SH3KBP1: variants seen among roughly 807,000 people sequenced by gnomAD.
The protein encoded by SH3KBP1 is SH3 domain-containing kinase-binding protein 1.
Under a neutral mutation model 50.1 loss-of-function variants are expected in SH3KBP1, and 8 were observed. The observed-to-expected ratio is 0.16, with a 90% CI of 0.09 to 0.29. SH3KBP1 has a LOEUF of 0.29. Among genes scored for constraint, SH3KBP1 ranks in the 10% least tolerant of loss-of-function variants. The pLI, the probability that SH3KBP1 is intolerant of heterozygous loss-of-function variation, is 1.00. For missense variants in SH3KBP1, 377 were observed against 535.2 expected (o/e 0.70, Z 2.92); for synonymous variants, 227 against 218.6 (o/e 1.04, Z -0.34).
intron 6 of SH3KBP1, chrX:19,671,076 G>A (rs1396983341): frequency 1.6e-5 from 15 of 959,806 alleles, no homozygotes; most frequent in Non-Finnish European, 2.0e-5. Flanking sequence ...GGGTGGCTTC[G>A]AGAGAAGTCC....
chrX:19,571,863 T>C (rs780422005), intron 12 of SH3KBP1, among the ~76,000 whole-genome samples: 3 of 108,469 alleles, frequency 2.8e-5, no homozygotes, highest in Non-Finnish European at 3.8e-5. Context: ...GAGGGAAAGA[T>C]GGTTTGAGGT....
At chrX:19,610,736 AAGAGG>A (rs1287580791) in intron 8 of SH3KBP1, among the ~76,000 whole-genome samples, 2 of 111,328 alleles carry the variant, frequency 1.8e-5, no homozygotes, top group Non-Finnish European at 3.8e-5. Context: ...CTAGTACCAA[AAGAGG>A]AGAGAACCAT....
intron 12 of SH3KBP1, among the ~76,000 whole-genome samples, chrX:19,573,947 C>T (rs977950476): frequency 1.8e-5 from 2 of 111,558 alleles, no homozygotes; most frequent in Non-Finnish European, 3.8e-5. Flanking sequence ...AACAGGATCA[C>T]CTCCGAGAGG....
chrX:19,850,435 C>T (rs1332752069), intron 1 of SH3KBP1, among the ~76,000 whole-genome samples: 4 of 111,172 alleles, frequency 3.6e-5, no homozygotes, highest in African/African-American at 1.3e-4. Flanking sequence ...CTGCCCGCCT[C>T]GACCTCCCAA....
At chrX:19,808,640 T>A (rs1442299887) in intron 2 of SH3KBP1, among the ~76,000 whole-genome samples, 4 of 111,437 alleles carry the variant, frequency 3.6e-5, no homozygotes, top group Non-Finnish European at 7.5e-5. Context: ...ACTCTCAAGT[T>A]AGCCCACACT....
intron 2 of SH3KBP1, among the ~76,000 whole-genome samples, chrX:19,801,280 G>A (rs2066882211): frequency 8.9e-6 from 1 of 111,999 alleles, no homozygotes; most frequent in Admixed American, 9.5e-5. Flanking sequence ...AGAACAACAC[G>A]GTGGGGGAAG....
At chrX:19,861,533 T>C (rs968798410) in intron 1 of SH3KBP1, among the ~76,000 whole-genome samples, 1 of 111,981 alleles carries the variant, frequency 8.9e-6, no homozygotes, top group African/African-American at 3.2e-5. Context: ...ATAATCTCCA[T>C]CAAGGTTAAG....
At chrX:19,746,214 A>C (rs2064913228) in intron 3 of SH3KBP1, 104 bp downstream of exon 3, 1 of 991,589 alleles carries the variant, frequency 1.0e-6, no homozygotes, top group African/African-American at 1.9e-5. Context: ...CAAAAGGACA[A>C]ACTCTATTCA....
intron 2 of SH3KBP1, among the ~76,000 whole-genome samples, chrX:19,816,652 C>CA (rs2067365814): frequency 9.1e-6 from 1 of 110,478 alleles, no homozygotes; most frequent in African/African-American, 3.3e-5. Flanking sequence ...ACAAAAAATA[C>CA]AAAAAATTAG....
intron 2 of SH3KBP1, among the ~76,000 whole-genome samples, chrX:19,835,741 G>A (rs1301760125): frequency 9.2e-6 from 1 of 109,102 alleles, no homozygotes; most frequent in Non-Finnish European, 1.9e-5. Flanking sequence ...ACCACACCTG[G>A]CTAATTTTTG....
At chrX:19,564,035 T>C (rs1218477799) in intron 13 of SH3KBP1, among the ~76,000 whole-genome samples, 1 of 111,629 alleles carries the variant, frequency 9.0e-6, no homozygotes, top group East Asian at 2.8e-4. Context: ...TTATTGAACC[T>C]GAGCAATTGC....
intron 1 of SH3KBP1, among the ~76,000 whole-genome samples, chrX:19,884,171 C>T (rs1184453168): frequency 1.8e-5 from 2 of 112,460 alleles, no homozygotes; most frequent in African/African-American, 6.5e-5. Flanking sequence ...GCCTTCTCCA[C>T]TCATCTTTCA....
At chrX:19,809,947 AAAT>A (rs1429549810) in intron 2 of SH3KBP1, among the ~76,000 whole-genome samples, 1 of 112,803 alleles carries the variant, frequency 8.9e-6, no homozygotes, top group Non-Finnish European at 1.9e-5. Flanking sequence ...CTTTTTACTT[AAAT>A]AATTCACTAT....
intron 2 of SH3KBP1, among the ~76,000 whole-genome samples, chrX:19,775,556 A>G (rs775280882): frequency 8.9e-6 from 1 of 112,037 alleles, no homozygotes; most frequent in Admixed American, 9.4e-5. Flanking sequence ...TTGAGTGCCA[A>G]CATTAACTCT....
At chrX:19,832,372 G>A (rs1204269835) in intron 2 of SH3KBP1, among the ~76,000 whole-genome samples, 4 of 111,943 alleles carry the variant, frequency 3.6e-5, no homozygotes, top group African/African-American at 6.5e-5. Flanking sequence ...TGAACAGGCC[G>A]ATGAGGTAGT....
chrX:19,703,393 T>TG (rs1316043352), intron 4 of SH3KBP1, among the ~76,000 whole-genome samples: 1 of 109,168 alleles, frequency 9.2e-6, no homozygotes, highest in African/African-American at 3.3e-5. Context: ...TGGAGGCGGG[T>TG]GGGGGGCTGT....
At chrX:19,795,885 T>C (rs1280905896) in intron 2 of SH3KBP1, among the ~76,000 whole-genome samples, 1 of 112,226 alleles carries the variant, frequency 8.9e-6, no homozygotes, top group Non-Finnish European at 1.9e-5. Flanking sequence ...GTCTATTATA[T>C]TGCCATAAAA....
At chrX:19,687,494 A>C (rs1174651141) in intron 5 of SH3KBP1, 3 of 570,770 alleles carry the variant, frequency 5.3e-6, no homozygotes, top group Non-Finnish European at 9.0e-6. Flanking sequence ...ATGTCCTTGG[A>C]TCAGAAATTC....
At chrX:19,668,970 A>T (rs1485170492) in intron 6 of SH3KBP1, among the ~76,000 whole-genome samples, 510 of 49,554 alleles carry the variant, frequency 0.01, 13 homozygotes, top group African/African-American at 0.072. Flanking sequence ...ATATATATAT[A>T]TATATTTTTT....
Sources: gnomAD v4.1 joint callset for allele counts (sites outside exome capture counted in the v4.1 genomes callset) on GRCh38, gnomAD v4.1.1 for gene constraint, MANE v1.5 for transcripts, NCBI Gene and HGNC (gene_info 2026-07-23, HGNC 2026-07-21) for gene names.